SBK1: variants seen among roughly 807,000 people sequenced by gnomAD.
SBK1 encodes SH3 domain binding kinase 1, also known as serine/threonine-protein kinase SBK1.
Under a neutral mutation model 24.4 loss-of-function variants are expected in SBK1, and 11 were observed. That is an observed-to-expected ratio of 0.45 (90% confidence interval 0.28 to 0.75). The LOEUF (loss-of-function observed/expected upper bound fraction) is 0.75. Ranked by LOEUF, SBK1 falls within the 30% of genes least tolerant of loss-of-function variation. The probability of loss-of-function intolerance (pLI) is 0.12; values close to 1 mark genes in which losing one functional copy is unlikely to be tolerated. For missense variants in SBK1, 467 were observed against 620.5 expected, an observed-to-expected ratio of 0.75 and a Z score of 2.63; for synonymous variants, 308 against 284.4, an observed-to-expected ratio of 1.08 and a Z score of -0.83.
At chr16:28,268,570 C>T (rs975326907) in intron 1 of SBK1, among the ~76,000 whole-genome samples, 1 of 152,066 alleles carries the variant, frequency 6.6e-6, no homozygotes, top group Admixed American at 6.6e-5. Flanking sequence ...CGAGACCAGC[C>T]TGGCCAAAAT....
upstream of SBK1, among the ~76,000 whole-genome samples, chr16:28,290,100 AAGAC>A (rs1181729689): frequency 6.6e-6 from 1 of 151,956 alleles, no homozygotes; most frequent in Non-Finnish European, 1.5e-5. Context: ...AAAAAAAAAA[AAGAC>A]AGAGGCAGAT....
At chr16:28,275,606 G>A (rs1275204495) in intron 1 of SBK1, among the ~76,000 whole-genome samples, 1 of 151,992 alleles carries the variant, frequency 6.6e-6, no homozygotes, top group Non-Finnish European at 1.5e-5. Context: ...GGGTCCCGGT[G>A]CAGTGGCTCA....
At chr16:28,277,792 C>T (rs911179910) in intron 1 of SBK1, among the ~76,000 whole-genome samples, 1 of 152,230 alleles carries the variant, frequency 6.6e-6, no homozygotes, top group African/African-American at 2.4e-5. Flanking sequence ...CCCTCGAGAA[C>T]CAGATAGAAC....
intron 1 of SBK1, among the ~76,000 whole-genome samples, chr16:28,266,144 A>T (rs1320712038): frequency 1.3e-5 from 2 of 152,088 alleles, no homozygotes; most frequent in Non-Finnish European, 2.9e-5. Context: ...AGGCTGAGGC[A>T]GAAGGATCAC....
intron 1 of SBK1, among the ~76,000 whole-genome samples, chr16:28,269,703 A>G (rs1003406694): frequency 9.2e-6 from 1 of 109,064 alleles, no homozygotes; most frequent in Non-Finnish European, 2.0e-5. Flanking sequence ...TCCCATCTCT[A>G]CTAAAAATAC....
At position 28,259,526 on chromosome 16, in the gene SBK1, G is replaced by A; in HGVS notation, c.257+24G>A. Reference sequence around the variant, plus strand: ...AGGTCAGTGCTCGTGGGTGGCCAGTGGGTGGGCAGCAGGTGGGCACAGCGC... The same window carrying A: ...AGGTCAGTGCTCGTGGGTGGCCAGTAGGTGGGCAGCAGGTGGGCACAGCGC... On this transcript the variant is annotated intron_variant, in intron 1 of 3. Coordinates refer to the SBK1 transcript ENST00000671413. This position sits in a 1 kb window ranked among gnomAD's most constrained non-coding sequence, Gnocchi z 6.0. The A allele has an allele frequency of 1.1e-6, 1 of 898,960 alleles. No homozygotes were observed. The highest frequency in any genetic ancestry group is 1.3e-6 in the Non-Finnish European group (1 of 750,808). 55.7% of individuals were successfully genotyped at this position (898,960 alleles called of 1,614,324 possible).
chr16:28,266,552 T>C (rs1022918403), intron 1 of SBK1, among the ~76,000 whole-genome samples: 1 of 151,958 alleles, frequency 6.6e-6, no homozygotes, highest in Non-Finnish European at 1.5e-5. Flanking sequence ...AATCAAAGTG[T>C]TGACAGGACG....
intron 1 of SBK1, among the ~76,000 whole-genome samples, chr16:28,270,406 A>AATTATTATTATTATT (rs59973055): frequency 3.0e-4 from 44 of 146,038 alleles, no homozygotes; most frequent in South Asian, 1.3e-3. Flanking sequence ...TTCAGCCTAG[A>AATTATTATTATTATT]ATTATTATTA....
intron 1 of SBK1, among the ~76,000 whole-genome samples, chr16:28,284,205 A>G (rs982235211): frequency 2.6e-5 from 4 of 152,244 alleles, no homozygotes; most frequent in Non-Finnish European, 5.9e-5. Flanking sequence ...TCCTTGTCTC[A>G]GGGTCAGTTT....
chr16:28,276,333 A>G (rs1269834545), intron 1 of SBK1, among the ~76,000 whole-genome samples: 1 of 152,048 alleles, frequency 6.6e-6, no homozygotes. Context: ...AGCTGCTCAG[A>G]AAGGGCAGGA....
chr16:28,260,914 G>A (rs1311472211), intron 1 of SBK1, among the ~76,000 whole-genome samples: 1 of 152,180 alleles, frequency 6.6e-6, no homozygotes, highest in Non-Finnish European at 1.5e-5. Context: ...CTGTCTTAAC[G>A]TGCAAGTGCC....
chr16:28,310,023 G>A (rs1166810962), intron 1 of SBK1, among the ~76,000 whole-genome samples: 3 of 152,208 alleles, frequency 2.0e-5, no homozygotes, highest in African/African-American at 7.2e-5. Flanking sequence ...AGTGGTGGGC[G>A]GCTCAGTCTT....
At chr16:28,306,153 G>T (rs1259209709) in intron 1 of SBK1, among the ~76,000 whole-genome samples, 1 of 152,132 alleles carries the variant, frequency 6.6e-6, no homozygotes, top group Non-Finnish European at 1.5e-5. Context: ...CAGGACTGTT[G>T]CTGTAGCCAT....
At chr16:28,284,382 G>A (rs1046975572) in intron 1 of SBK1, among the ~76,000 whole-genome samples, 4 of 152,198 alleles carry the variant, frequency 2.6e-5, no homozygotes, top group African/African-American at 9.7e-5. Flanking sequence ...CCTCCTTCTG[G>A]GAAGTCCAGG....
At position 28,320,417 on chromosome 16, in the gene SBK1, G is replaced by T. The variant is rs1300694130; in HGVS notation, c.771G>T (p.Ser257=). ...LTGNFPWEAA[S]GADAFFEEFV... is the part of the protein sequence containing the mutation. ...GCAACTTCCCGTGGGAGGCGGCGTC[G>T]GGCGCCGACGCCTTCTTCGAGGAGT... The change falls in exon 4 of 4, where the codon TCG becomes TCT. Residue 257 remains serine, a synonymous_variant. Coordinates refer to ENST00000341901, the MANE Select transcript of SBK1 (RefSeq NM_001024401.3). The surrounding 1 kb of genome is among the most constrained non-coding windows in gnomAD (Gnocchi z 8.5). 1 of 1,588,674 alleles carries T rather than the reference G, an allele frequency of 6.3e-7. No homozygotes were observed. The highest frequency in any genetic ancestry group is 1.3e-5 in the African/African-American group (1 of 74,344).
Position 28,259,491 on chromosome 16 carries a change from C to T in SBK1, c.246C>T (p.Val82=), listed in dbSNP as rs2044383703. 6.1e-6 allele frequency: 6 copies of T among 984,700 alleles called. No homozygotes were observed. Among genetic ancestry groups the T allele is most frequent in the Non-Finnish European group, 7.2e-6 (6 of 829,204 alleles). 61.0% of individuals were successfully genotyped at this position (984,700 alleles called of 1,614,324 possible). A position where few individuals can be genotyped will look rare whatever the true frequency, so the allele number is the denominator to read the frequency against. ...AGGAAGAGGAGCTGCTGGAAGAAGT[C>T]CCATTGCGGAGGTCAGTGCTCGTGG... Residue 82 remains valine (V), a synonymous_variant, in exon 1 of 4, where the codon GTC becomes GTT. Transcript: ENST00000671413. This position sits in a 1 kb window ranked among gnomAD's most constrained non-coding sequence, Gnocchi z 6.0.
In SBK1 at chr16:28,319,214, C is replaced by T; in HGVS notation, c.429+17C>T. ...CCTCCCCAGGTACTCGGGATGGTGG[C>T]ATAGGGTGGGGAAAGGGTCTTCAGG... On this transcript the variant is annotated intron_variant, in intron 3 of 3. Coordinates refer to ENST00000341901, the MANE Select transcript of SBK1 (RefSeq NM_001024401.3). The surrounding 1 kb of genome is among the most constrained non-coding windows in gnomAD (Gnocchi z 4.0). The T allele has an allele frequency of 6.2e-7, 1 of 1,605,630 alleles. No individual in the cohort carries two copies. The highest frequency in any genetic ancestry group is 1.1e-5 in the South Asian group (1 of 90,912).
At position 28,293,271 on chromosome 16, in the gene SBK1, T is replaced by TGCCGCGGCGTCCCC. The variant is rs1179133349; in HGVS notation, c.-34_-21dup. On this transcript the variant is annotated 5_prime_UTR_variant, in exon 1 of 4. Transcript: ENST00000341901. ...AGACCGCGACGGCGCCCAGGCCCCC[T>TGCCGCGGCGTCCCC]GCCGCGGCGTCCCCGCGGCCCCAGC... 1.0e-6 allele frequency: 1 copy of TGCCGCGGCGTCCCC among 985,334 alleles called. No individual in the cohort carries two copies. Among genetic ancestry groups the TGCCGCGGCGTCCCC allele is most frequent in the Non-Finnish European group, 1.2e-6 (1 of 830,008 alleles). The allele number at this position is 985,334 out of a possible 1,614,324, so 61.0% of individuals were successfully genotyped here. A position where few individuals can be genotyped will look rare whatever the true frequency, so the allele number is the denominator to read the frequency against.
In SBK1 at chr16:28,273,162, T is replaced by G. The variant is rs115169665; in HGVS notation, c.257+13660T>G. Among the ~76,000 whole-genome samples, 1,316 of 151,848 alleles carry G rather than the reference T, an allele frequency of 8.7e-3. 17 individuals are homozygous for G. The highest frequency in any genetic ancestry group is 0.03 in the African/African-American group (1,256 of 41,410). On this transcript the variant is annotated intron_variant, in intron 1 of 3. Coordinates refer to the SBK1 transcript ENST00000671413. ...ATGGCCTCAAGCAGTCCCTTCACTT[T>G]GAACTCCCAAAGTGCTGGATTAAAG... is the stretch of plus-strand genomic sequence containing the variant.
Sources: allele counts gnomAD v4.1 joint callset (sites outside exome capture counted in the v4.1 genomes callset), GRCh38; gene constraint gnomAD v4.1.1; non-coding constraint Gnocchi (gnomAD v3.1); transcripts MANE v1.5; gene names NCBI Gene and HGNC (gene_info 2026-07-23, HGNC 2026-07-21).